Variants in DPYD observed in about 807,000 individuals in gnomAD.
DPYD encodes dihydropyrimidine dehydrogenase.
Under a neutral mutation model 116.2 loss-of-function variants are expected in DPYD, and 109 were observed. That is an observed-to-expected ratio of 0.94 (90% CI 0.80 to 1.10). The LOEUF is 1.10. Among genes scored for constraint, DPYD ranks in the 50% least tolerant of loss-of-function variants. The pLI is 0.00. For synonymous variants in DPYD, 440 were observed against 432.0 expected, an observed-to-expected ratio of 1.02 and a Z score of -0.23; for missense variants, 1,302 against 1,254.5, an observed-to-expected ratio of 1.04 and a Z score of -0.57.
At chr1:97,287,566 C>T (rs1003865492) in intron 18 of DPYD, among the ~76,000 whole-genome samples, 1 of 152,210 alleles carries the variant, frequency 6.6e-6, no homozygotes, top group Non-Finnish European at 1.5e-5. Context: ...CATCCTTGAG[C>T]TGTGGTGGGC....
At chr1:97,894,238 G>A (rs1672936318) in intron 1 of DPYD, among the ~76,000 whole-genome samples, 1 of 151,742 alleles carries the variant, frequency 6.6e-6, no homozygotes, top group South Asian at 2.1e-4. Flanking sequence ...GCTCTCTGTA[G>A]TCTTTTCTTA....
chr1:97,109,045 C>T (rs1651389992), intron 20 of DPYD, among the ~76,000 whole-genome samples: 1 of 152,080 alleles, frequency 6.6e-6, no homozygotes, highest in Non-Finnish European at 1.5e-5. Flanking sequence ...GCCACTTGCC[C>T]TCTGTAAGCC....
intron 14 of DPYD, among the ~76,000 whole-genome samples, chr1:97,428,088 G>A (rs556088518): frequency 8.5e-5 from 13 of 152,222 alleles, no homozygotes; most frequent in Admixed American, 6.5e-4. Context: ...TTACGAAAGT[G>A]ATTTCTGAGC....
chr1:97,762,032 GATCAAAAAACTACCT>G (rs1665603466), intron 3 of DPYD, among the ~76,000 whole-genome samples: 1 of 152,020 alleles, frequency 6.6e-6, no homozygotes, highest in African/African-American at 2.4e-5. Context: ...GGAGGGTGAG[GATCAAAAAACTACCT>G]ATCATGTACT....
intron 18 of DPYD, among the ~76,000 whole-genome samples, chr1:97,236,633 G>T (rs1661948259): frequency 6.6e-6 from 1 of 152,034 alleles, no homozygotes; most frequent in African/African-American, 2.4e-5. Flanking sequence ...AATGGTGGAT[G>T]CATGTTGTTA....
intron 4 of DPYD, 45 bp downstream of exon 4, chr1:97,740,347 A>G: frequency 1.3e-6 from 2 of 1,500,572 alleles, no homozygotes. Context: ...AGAGAACAAG[A>G]TCAAATACTG....
chr1:97,390,185 T>A (rs746208391), intron 14 of DPYD, among the ~76,000 whole-genome samples: 11 of 152,076 alleles, frequency 7.2e-5, no homozygotes, highest in Middle Eastern at 3.2e-3. Context: ...AACCATACTG[T>A]GAACTACATA....
intron 8 of DPYD, among the ~76,000 whole-genome samples, chr1:97,619,100 T>C (rs1009632446): frequency 6.6e-6 from 1 of 152,234 alleles, no homozygotes; most frequent in African/African-American, 2.4e-5. Flanking sequence ...AAGGATTATA[T>C]ACTTTGGTAA....
chr1:97,291,846 A>G (rs1398027335), intron 18 of DPYD, among the ~76,000 whole-genome samples: 1 of 152,106 alleles, frequency 6.6e-6, no homozygotes, highest in African/African-American at 2.4e-5. Flanking sequence ...ATAAAATACA[A>G]TAAAATAAAC....
intron 18 of DPYD, among the ~76,000 whole-genome samples, chr1:97,292,709 C>T (rs542067676): frequency 1.8e-4 from 20 of 109,550 alleles, no homozygotes; most frequent in African/African-American, 5.4e-4. Context: ...TGCACGCGCG[C>T]GCACACGCGC....
In DPYD at chr1:97,721,621, C is replaced by T; in HGVS notation, c.372G>A (p.Leu124=). ...AGGTTGGACATACCATTCCACAAGT[C>T]AGACCAAGTGGGTTGTCAGAAAATA... is the stretch of plus-strand genomic sequence containing the variant. ...KMIFSDNPLG[L]TCGMVCPTSD... is the part of the protein sequence containing the mutation. The change falls in exon 5 of 23, where the codon CTG becomes CTA. Residue 124 remains leucine (L), a synonymous_variant. Transcript: ENST00000370192. 1 of 1,611,716 alleles carries T rather than the reference C, an allele frequency of 6.2e-7. No individual in the cohort carries two copies. Among genetic ancestry groups the T allele is most frequent in the South Asian group, 1.1e-5 (1 of 91,026 alleles).
chr1:97,463,398 C>T (rs890290173), intron 13 of DPYD, among the ~76,000 whole-genome samples: 8 of 152,130 alleles, frequency 5.3e-5, no homozygotes, highest in African/African-American at 1.7e-4. Context: ...GCCTCTCTAG[C>T]CATGTGAAAC....
intron 13 of DPYD, among the ~76,000 whole-genome samples, chr1:97,468,538 CT>C (rs1222204765): frequency 6.6e-6 from 1 of 152,188 alleles, no homozygotes; most frequent in Non-Finnish European, 1.5e-5. Context: ...GTGCGTTAAA[CT>C]TAGACTTCTC....
chr1:97,504,613 G>A (rs1195214663), intron 13 of DPYD, among the ~76,000 whole-genome samples: 13 of 151,852 alleles, frequency 8.6e-5, no homozygotes, highest in Admixed American at 7.2e-4. Flanking sequence ...ATGCTTGGAG[G>A]TACCCATTAG....
intron 8 of DPYD, among the ~76,000 whole-genome samples, chr1:97,607,995 A>T (rs968756156): frequency 1.3e-5 from 2 of 151,994 alleles, no homozygotes; most frequent in Admixed American, 1.3e-4. Context: ...ACAAATACAT[A>T]TATTGTAACT....
intron 2 of DPYD, among the ~76,000 whole-genome samples, chr1:97,848,694 A>C (rs1448017324): frequency 1.3e-5 from 2 of 152,230 alleles, no homozygotes; most frequent in East Asian, 3.8e-4. Context: ...ATGTTGTATA[A>C]TTAAGTATAA....
At chr1:97,534,479 C>T (rs569329439) in intron 12 of DPYD, among the ~76,000 whole-genome samples, 1 of 152,222 alleles carries the variant, frequency 6.6e-6, no homozygotes, top group South Asian at 2.1e-4. Context: ...AACAGTAGAA[C>T]CGAGAACAGA....
intron 13 of DPYD, among the ~76,000 whole-genome samples, chr1:97,511,299 C>T (rs988129754): frequency 6.6e-6 from 1 of 151,940 alleles, no homozygotes; most frequent in Non-Finnish European, 1.5e-5. Flanking sequence ...TCTATACATC[C>T]TAAGCACTGA....
At chr1:97,604,439 G>C (rs1034409408) in intron 8 of DPYD, among the ~76,000 whole-genome samples, 6 of 151,908 alleles carry the variant, frequency 3.9e-5, no homozygotes, top group African/African-American at 1.5e-4. Context: ...ATTTTATCTG[G>C]TGATAATATT....
Sources: gnomAD v4.1 joint callset for allele counts (sites outside exome capture counted in the v4.1 genomes callset) on GRCh38, gnomAD v4.1.1 for gene constraint, MANE v1.5 for transcripts, NCBI Gene and HGNC (gene_info 2026-07-23, HGNC 2026-07-21) for gene names.